Variants in NKAIN3 observed in about 807,000 individuals in gnomAD.
NKAIN3 encodes the protein sodium/potassium-transporting ATPase subunit beta-1-interacting protein 3.
A neutral mutation model predicts 30.2 loss-of-function variants in NKAIN3; 25 were observed. The ratio of observed to expected loss-of-function variants is 0.83; its 90% CI spans 0.60 to 1.16. The LOEUF is 1.16. Ranked by LOEUF, NKAIN3 falls within the 50% of genes most tolerant of loss-of-function variation. The pLI, the probability that NKAIN3 is intolerant of heterozygous loss-of-function variation, is 0.00. For missense variants in NKAIN3, 225 were observed against 254.1 expected (o/e 0.89, Z 0.78); for synonymous variants, 91 against 89.6 (o/e 1.02, Z -0.09).
intron 6 of NKAIN3, among the ~76,000 whole-genome samples, chr8:62,960,953 C>T (rs926344030): frequency 1.2e-4 from 19 of 152,084 alleles, no homozygotes; most frequent in Non-Finnish European, 1.5e-5. Flanking sequence ...GTATTCTATG[C>T]AGACCCATTG....
At chr8:62,292,741 T>C (rs1270035518) in intron 1 of NKAIN3, among the ~76,000 whole-genome samples, 7 of 152,152 alleles carry the variant, frequency 4.6e-5, no homozygotes, top group Non-Finnish European at 1.0e-4. Flanking sequence ...TGAATATCTT[T>C]GTGGTGTTCT....
intron 4 of NKAIN3, among the ~76,000 whole-genome samples, chr8:62,791,681 C>G (rs1377953037): frequency 6.6e-6 from 1 of 152,040 alleles, no homozygotes; most frequent in East Asian, 1.9e-4. Context: ...ATGCCTATTC[C>G]TCCCATGTGA....
intron 1 of NKAIN3, among the ~76,000 whole-genome samples, chr8:62,512,215 A>C (rs1807835231): frequency 1.3e-5 from 2 of 152,160 alleles, no homozygotes. Context: ...TGATTGATTT[A>C]AGAAGGCATT....
chr8:62,835,568 C>T (rs1267041960), intron 4 of NKAIN3, among the ~76,000 whole-genome samples: 3 of 151,982 alleles, frequency 2.0e-5, no homozygotes, highest in Admixed American at 6.6e-5. Context: ...GACTTAAAAG[C>T]GGCCAACAAA....
intron 4 of NKAIN3, among the ~76,000 whole-genome samples, chr8:62,870,632 CTA>C (rs1466065590): frequency 3.8e-5 from 3 of 79,972 alleles, no homozygotes; most frequent in East Asian, 2.5e-4. Context: ...AAAATAAACT[CTA>C]TTTTATATAT....
chr8:62,303,623 A>G (rs1814128239), intron 1 of NKAIN3, among the ~76,000 whole-genome samples: 2 of 150,644 alleles, frequency 1.3e-5, no homozygotes, highest in African/African-American at 5.0e-5. Flanking sequence ...TGCTTTATCT[A>G]TCAAGTTGGA....
At chr8:62,662,555 A>G (rs1408628185) in intron 3 of NKAIN3, among the ~76,000 whole-genome samples, 1 of 152,226 alleles carries the variant, frequency 6.6e-6, no homozygotes, top group African/African-American at 2.4e-5. Flanking sequence ...TACATTGATC[A>G]TTAGAATCTT....
At chr8:62,535,411 A>T (rs1046672341) in intron 1 of NKAIN3, among the ~76,000 whole-genome samples, 1 of 151,820 alleles carries the variant, frequency 6.6e-6, no homozygotes, top group African/African-American at 2.4e-5. Flanking sequence ...ACAGTGTCAG[A>T]TCTCACAGGT....
In NKAIN3 at chr8:62,326,792, TTC is replaced by T. The variant is rs202230364; in HGVS notation, c.54+77666_54+77667del. Among the ~76,000 whole-genome samples the T allele has an allele frequency of 8.9e-3, 1,361 of 152,084 alleles. 29 individuals carry two copies. The highest frequency in any genetic ancestry group is 0.031 in the African/African-American group (1,286 of 41,530). ...ACAAATATCTGTTTGAGCCACTACT[TTC>T]AATTCTTTTGGGTATAAACTCAGAA... On this transcript the variant is annotated intron_variant, in intron 1 of 6. Coordinates refer to ENST00000623646, the MANE Select transcript of NKAIN3 (RefSeq NM_001304533.3).
intron 3 of NKAIN3, among the ~76,000 whole-genome samples, chr8:62,662,407 G>C (rs963428576): frequency 6.6e-6 from 1 of 152,166 alleles, no homozygotes; most frequent in Non-Finnish European, 1.5e-5. Flanking sequence ...GAAAGTGCAC[G>C]TCTCCTAGAA....
chr8:62,977,559 C>CTTCTCTAAACTGGTTA lies in NKAIN3; in HGVS notation c.*12173_*12188dup, dbSNP rs533783086. Among the ~76,000 whole-genome samples the CTTCTCTAAACTGGTTA allele has an allele frequency of 6.6e-6, 1 of 151,918 alleles. No homozygotes were observed. The highest frequency in any genetic ancestry group is 2.1e-4 in the South Asian group (1 of 4,820). On this transcript the variant is annotated 3_prime_UTR_variant, in exon 7 of 7. Coordinates refer to ENST00000623646, the MANE Select transcript of NKAIN3 (RefSeq NM_001304533.3). ...TCAGCTCCATCAGGTCATTTGTGTT[C>CTTCTCTAAACTGGTTA]TTCTCTAAACTGGTTATTCTCTAAA...
chr8:62,912,226 T>C (rs1586339067), intron 4 of NKAIN3, among the ~76,000 whole-genome samples: 1 of 152,060 alleles, frequency 6.6e-6, no homozygotes, highest in South Asian at 2.1e-4. Flanking sequence ...CACATAAAAG[T>C]TAATAAGCCT....
At chr8:62,350,365 A>G (rs894874729) in intron 1 of NKAIN3, among the ~76,000 whole-genome samples, 1 of 152,218 alleles carries the variant, frequency 6.6e-6, no homozygotes, top group Non-Finnish European at 1.5e-5. Flanking sequence ...TAAGCCAGAC[A>G]CAAAAAGTCA....
intron 1 of NKAIN3, among the ~76,000 whole-genome samples, chr8:62,467,028 T>C (rs1341465772): frequency 6.6e-6 from 1 of 152,144 alleles, no homozygotes; most frequent in South Asian, 2.1e-4. Flanking sequence ...CAGTGCTCTA[T>C]AGGACCTGCC....
At chr8:62,515,265 T>C (rs182823827) in intron 1 of NKAIN3, among the ~76,000 whole-genome samples, 197 of 152,312 alleles carry the variant, frequency 1.3e-3, no homozygotes, top group Non-Finnish European at 2.4e-3. Context: ...TTAAAATTTA[T>C]TTTTTAGTTA....
chr8:62,872,053 C>T (rs1820661896), intron 4 of NKAIN3, among the ~76,000 whole-genome samples: 1 of 152,158 alleles, frequency 6.6e-6, no homozygotes, highest in African/African-American at 2.4e-5. Context: ...AGTTTTGATA[C>T]ACAAATACTT....
chr8:62,802,856 T>C lies in NKAIN3; in HGVS notation c.471+55727T>C, dbSNP rs551513980. The stretch of plus-strand genomic sequence containing the variant: ...AGAGTCAAGACCCATCAGTGTGCTG[T>C]ATTCAGGAAACCCATCTCACGTGCA... On this transcript the variant is annotated intron_variant, in intron 4 of 6. Transcript: ENST00000623646. 3.9e-5 allele frequency among the ~76,000 whole-genome samples: 6 copies of C among 152,300 alleles called. No individual in the cohort carries two copies. In the East Asian group the frequency reaches 9.6e-4, roughly 24 times the overall value.
At chr8:62,319,351 A>C (rs1814786578) in intron 1 of NKAIN3, among the ~76,000 whole-genome samples, 1 of 151,818 alleles carries the variant, frequency 6.6e-6, no homozygotes, top group South Asian at 2.1e-4. Flanking sequence ...CTCTGATCTT[A>C]GTTATTTCTT....
rs563543805 is a variant in NKAIN3 at position 62,570,682 on chromosome 8, G to A, written c.55-8857G>A. On this transcript the variant is annotated intron_variant, in intron 1 of 6. Transcript: ENST00000623646. ...CCCATAATATATGGGAATTATGGGA[G>A]CTGCAAGATGAGATTTGGGTGGGGA... Among the ~76,000 whole-genome samples the A allele has an allele frequency of 3.3e-5, 5 of 152,258 alleles. No homozygotes were observed. In the East Asian group the frequency reaches 7.8e-4, roughly 24 times the overall value.
Sources: gnomAD v4.1 joint callset for allele counts (sites outside exome capture counted in the v4.1 genomes callset) on GRCh38, gnomAD v4.1.1 for gene constraint, MANE v1.5 for transcripts, NCBI Gene and HGNC (gene_info 2026-07-23, HGNC 2026-07-21) for gene names.